SDK2: variants seen among roughly 807,000 people sequenced by gnomAD.
SDK2 encodes protein sidekick-2.
Under a neutral mutation model 253.9 loss-of-function variants are expected in SDK2, and 105 were observed. That is an observed-to-expected ratio of 0.41 (90% CI 0.35 to 0.49). The LOEUF (loss-of-function observed/expected upper bound fraction) is 0.49, where lower values mean the gene tolerates loss of function less well. Among genes scored for constraint, SDK2 ranks in the 20% least tolerant of loss-of-function variants. The pLI is 0.06. For missense variants in SDK2, 2,608 were observed against 3,003.0 expected (o/e 0.87, Z 3.07); for synonymous variants, 1,249 against 1,234.9 (o/e 1.01, Z -0.24).
At chr17:73,559,836 G>C (rs965403130) in intron 1 of SDK2, among the ~76,000 whole-genome samples, 1 of 152,238 alleles carries the variant, frequency 6.6e-6, no homozygotes, top group African/African-American at 2.4e-5. Flanking sequence ...GAGAGAAAGA[G>C]AGGGTCTGAG....
chr17:73,534,660 G>A lies in SDK2; in HGVS notation c.65-27063C>T, dbSNP rs2064199577. Among the ~76,000 whole-genome samples the A allele has an allele frequency of 6.6e-6, 1 of 152,194 alleles. No homozygotes were observed. The highest frequency in any genetic ancestry group is 2.1e-4 in the South Asian group (1 of 4,830). On this transcript the variant is annotated intron_variant, in intron 1 of 44. Coordinates refer to ENST00000392650, the MANE Select transcript of SDK2 (RefSeq NM_001144952.2). The surrounding 1 kb of genome is among the most constrained non-coding windows in gnomAD (Gnocchi z 4.9). ...GTTGGTGCTGGCTGGCTCTGGTGAG[G>A]AGGTGTGACTGCATCCTAGAGGTCT...
chr17:73,420,896 G>T (rs901305303), intron 15 of SDK2, among the ~76,000 whole-genome samples: 1 of 151,978 alleles, frequency 6.6e-6, no homozygotes, highest in Admixed American at 6.5e-5. Context: ...GGCTGGTCTC[G>T]AACTCCTGAC....
Position 73,496,616 on chromosome 17 carries a change from C to G in SDK2, c.224+10822G>C, listed in dbSNP as rs903187812. On this transcript the variant is annotated intron_variant, in intron 2 of 44. Transcript: ENST00000392650. This position sits in a 1 kb window ranked among gnomAD's most constrained non-coding sequence, Gnocchi z 4.7. ...ACCAAAATCCTTTCGAGACTGTCCACTGCCTGCTGGATATATCCGAGAAGA... is the reference window on the plus strand; with the variant it reads ...ACCAAAATCCTTTCGAGACTGTCCAGTGCCTGCTGGATATATCCGAGAAGA... Among the ~76,000 whole-genome samples the G allele has an allele frequency of 6.6e-6, 1 of 152,182 alleles. No individual in the cohort carries two copies. Among genetic ancestry groups the G allele is most frequent in the Admixed American group, 6.5e-5 (1 of 15,272 alleles).
intron 39 of SDK2, among the ~76,000 whole-genome samples, chr17:73,358,806 C>T (rs1313062315): frequency 6.6e-6 from 1 of 152,060 alleles, no homozygotes; most frequent in Admixed American, 6.5e-5. Flanking sequence ...GGGGTTTATG[C>T]CCCAGGAGGC....
Position 73,368,601 on chromosome 17 carries a change from A to T in SDK2, c.4981-8T>A. ...GGCTTCCCAGAAATAAATCTGTGGGAACAGAAGGATGTGGGAGTGAGGGGG... is the reference window on the plus strand; with the variant it reads ...GGCTTCCCAGAAATAAATCTGTGGGTACAGAAGGATGTGGGAGTGAGGGGG... On this transcript the variant is annotated splice_polypyrimidine_tract_variant and splice_region_variant and intron_variant, in intron 36 of 44. Transcript: ENST00000392650. 6.4e-7 allele frequency: 1 copy of T among 1,559,744 alleles called. No homozygotes were observed.
chr17:73,595,188 G>C (rs975214379), intron 1 of SDK2, among the ~76,000 whole-genome samples: 2 of 150,160 alleles, frequency 1.3e-5, no homozygotes, highest in East Asian at 3.8e-4. Flanking sequence ...GAGAATTCGA[G>C]TGTGGGTGAA....
At chr17:73,419,116 C>T in intron 16 of SDK2, 50 bp downstream of exon 16, 1 of 1,592,466 alleles carries the variant, frequency 6.3e-7, no homozygotes, top group Non-Finnish European at 8.6e-7. Flanking sequence ...GATCTTCCCC[C>T]ATGCCTTTCC....
intron 1 of SDK2, among the ~76,000 whole-genome samples, chr17:73,592,752 T>C (rs2145901596): frequency 6.6e-6 from 1 of 152,256 alleles, no homozygotes; most frequent in African/African-American, 2.4e-5. Flanking sequence ...CGGCTCCCCA[T>C]TTCCGGAAGG....
intron 5 of SDK2, among the ~76,000 whole-genome samples, chr17:73,446,261 C>T (rs7218487): frequency 0.56 from 85,646 of 151,984 alleles, 24,391 homozygotes; most frequent in African/African-American, 0.61. Context: ...ACTAAATTCC[C>T]TTCTCCTATA....
rs572137345 is a variant in SDK2 at position 73,626,990 on chromosome 17, G to T, written c.64+17035C>A. 5.9e-5 allele frequency among the ~76,000 whole-genome samples: 9 copies of T among 152,288 alleles called. 1 individual carries two copies. Among genetic ancestry groups the T allele is most frequent in the Middle Eastern group, 3.4e-3 (1 of 294 alleles). Reference sequence around the variant, plus strand: ...ATCAACAGAACCCAACACTAGCCGGGGGGGTGTAAAATCCAAAAAGAACCT... The same window carrying T: ...ATCAACAGAACCCAACACTAGCCGGTGGGGTGTAAAATCCAAAAAGAACCT... On this transcript the variant is annotated intron_variant, in intron 1 of 44. Coordinates refer to ENST00000392650, the MANE Select transcript of SDK2 (RefSeq NM_001144952.2).
intron 1 of SDK2, among the ~76,000 whole-genome samples, chr17:73,597,708 C>T (rs566716173): frequency 9.6e-4 from 145 of 151,344 alleles, no homozygotes; most frequent in African/African-American, 3.1e-3. Flanking sequence ...TGCAGTGGCA[C>T]GATCTCAGCT....
At chr17:73,535,470 C>T (rs939998098) in intron 1 of SDK2, among the ~76,000 whole-genome samples, 4 of 152,208 alleles carry the variant, frequency 2.6e-5, no homozygotes, top group African/African-American at 9.7e-5. Flanking sequence ...GTCCGGCTGC[C>T]TCCTGGGGAA....
chr17:73,457,721 C>T (rs2063538704), intron 3 of SDK2, among the ~76,000 whole-genome samples: 1 of 152,090 alleles, frequency 6.6e-6, no homozygotes, highest in African/African-American at 2.4e-5. Context: ...AGAAAGATTT[C>T]ACACTGCTGA....
At position 73,375,498 on chromosome 17, in the gene SDK2, C is replaced by T. The variant is rs147233948; in HGVS notation, c.4980+3679G>A. ...CTGGAGTCAAGCAATCCACCCACCT[C>T]GGCCTTTCAAAGCGCCAGGATTACA... is the stretch of plus-strand genomic sequence containing the variant. On this transcript the variant is annotated intron_variant, in intron 36 of 44. Coordinates refer to ENST00000392650, the MANE Select transcript of SDK2 (RefSeq NM_001144952.2). Among the ~76,000 whole-genome samples the T allele has an allele frequency of 1.7e-3, 255 of 152,184 alleles. 1 individual carries two copies. The highest frequency in any genetic ancestry group is 5.9e-3 in the African/African-American group (246 of 41,528).
intron 16 of SDK2, 40 bp downstream of exon 16, chr17:73,419,126 C>G (rs1256428061): frequency 6.2e-6 from 10 of 1,602,474 alleles, no homozygotes; most frequent in Non-Finnish European, 8.5e-6. Flanking sequence ...CATGCCTTTC[C>G]CCTTGGGACT....
chr17:73,349,130 GTGTGAAATGCCCCCT>G (rs1374856217), intron 43 of SDK2, among the ~76,000 whole-genome samples: 32 of 152,318 alleles, frequency 2.1e-4, no homozygotes, highest in Non-Finnish European at 4.0e-4. Flanking sequence ...GTGAGGCCAC[GTGTGAAATGCCCCCT>G]TGTTACATGT....
At position 73,364,554 on chromosome 17, in the gene SDK2, T is replaced by A. The variant is rs541235102; in HGVS notation, c.5305+704A>T. Among the ~76,000 whole-genome samples the A allele has an allele frequency of 4.1e-4, 62 of 152,214 alleles. 2 individuals are homozygous for A. The South Asian group carries it at 5.6e-3, about 14-fold the overall frequency. On this transcript the variant is annotated intron_variant, in intron 38 of 44. Coordinates refer to ENST00000392650, the MANE Select transcript of SDK2 (RefSeq NM_001144952.2). ...AAGCTAAAGAAGGACTAACCCACAG[T>A]AAAGCTGAGAACCCTAAGGTTTGGG...
intron 2 of SDK2, among the ~76,000 whole-genome samples, chr17:73,477,523 C>T (rs2063694421): frequency 6.6e-6 from 1 of 152,232 alleles, no homozygotes. Context: ...GCCTTAGTTT[C>T]CCTGACTGTA....
chr17:73,540,898 C>CCTGGGGCAGGAG (rs2044858268), intron 1 of SDK2, among the ~76,000 whole-genome samples: 1 of 152,192 alleles, frequency 6.6e-6, no homozygotes, highest in African/African-American at 2.4e-5. Context: ...CAGAGTCTTC[C>CCTGGGGCAGGAG]CTGGGGCAGG....
Sources: allele counts gnomAD v4.1 joint callset (sites outside exome capture counted in the v4.1 genomes callset), GRCh38; gene constraint gnomAD v4.1.1; non-coding constraint Gnocchi (gnomAD v3.1); transcripts MANE v1.5; gene names NCBI Gene and HGNC (gene_info 2026-07-23, HGNC 2026-07-21).